AGBL4: variants seen among roughly 807,000 people sequenced by gnomAD.
The protein encoded by AGBL4 is AGBL carboxypeptidase 4.
A neutral mutation model predicts 66.4 loss-of-function variants in AGBL4; 58 were observed. That is an observed-to-expected ratio of 0.87 (90% confidence interval 0.71 to 1.09). The LOEUF (loss-of-function observed/expected upper bound fraction) is 1.09. Ranked by LOEUF, AGBL4 falls within the 50% of genes least tolerant of loss-of-function variation. The pLI is 0.00. For synonymous variants in AGBL4, 234 were observed against 222.9 expected (o/e 1.05, Z -0.44); for missense variants, 579 against 631.0 (o/e 0.92, Z 0.88).
At chr1:49,622,578 A>G (rs963648486) in intron 3 of AGBL4, among the ~76,000 whole-genome samples, 4 of 134,658 alleles carry the variant, frequency 3.0e-5, no homozygotes, top group African/African-American at 5.6e-5. Flanking sequence ...GCAGTGAGCC[A>G]AGATCCCGCC....
chr1:49,596,334 T>A (rs1246095220), intron 3 of AGBL4, among the ~76,000 whole-genome samples: 5 of 152,052 alleles, frequency 3.3e-5, no homozygotes, highest in African/African-American at 7.2e-5. Context: ...CATGCCCAAT[T>A]GATTCTTGTA....
chr1:48,570,057 GCTCACTGTGGAACAGCCACTGA>G (rs1466842379), intron 11 of AGBL4, among the ~76,000 whole-genome samples: 1 of 152,210 alleles, frequency 6.6e-6, no homozygotes, highest in East Asian at 1.9e-4. Context: ...CTGTGCTGCT[GCTCACTGTGGAACAGCCACTGA>G]CCATAAAGTT....
At chr1:48,843,968 T>C (rs1471016924) in intron 6 of AGBL4, among the ~76,000 whole-genome samples, 2 of 152,208 alleles carry the variant, frequency 1.3e-5, no homozygotes, top group Non-Finnish European at 2.9e-5. Context: ...TTATAAGCCA[T>C]GCACTCCTCA....
At chr1:49,066,378 C>A (rs1644492512) in intron 4 of AGBL4, among the ~76,000 whole-genome samples, 2 of 152,124 alleles carry the variant, frequency 1.3e-5, no homozygotes, top group African/African-American at 4.8e-5. Context: ...ATGGTGAAAC[C>A]CCGTCTCTAC....
intron 4 of AGBL4, among the ~76,000 whole-genome samples, chr1:49,237,124 A>T (rs1650818110): frequency 6.6e-6 from 1 of 151,720 alleles, no homozygotes; most frequent in Non-Finnish European, 1.5e-5. Context: ...TTAGCTGGAC[A>T]TGGTGGCAGG....
At chr1:48,858,570 A>C (rs1647243969) in intron 6 of AGBL4, among the ~76,000 whole-genome samples, 1 of 152,366 alleles carries the variant, frequency 6.6e-6, no homozygotes, top group African/African-American at 2.4e-5. Flanking sequence ...GAAAAAAGCC[A>C]GTCACAATAG....
chr1:49,752,038 C>T (rs143525460), intron 2 of AGBL4, among the ~76,000 whole-genome samples: 8 of 151,478 alleles, frequency 5.3e-5, no homozygotes, highest in African/African-American at 1.5e-4. Context: ...CCTGGATTCA[C>T]TGATTTTTTG....
At chr1:48,713,507 G>A (rs1284226622) in intron 6 of AGBL4, among the ~76,000 whole-genome samples, 1 of 152,138 alleles carries the variant, frequency 6.6e-6, no homozygotes, top group Non-Finnish European at 1.5e-5. Context: ...GAGAGGTTAG[G>A]GCCCATTGGG....
intron 4 of AGBL4, among the ~76,000 whole-genome samples, chr1:49,208,510 T>C (rs905459463): frequency 1.2e-4 from 18 of 152,044 alleles, no homozygotes; most frequent in African/African-American, 4.1e-4. Flanking sequence ...GAATTCAAAA[T>C]GTATTTTCTA....
intron 9 of AGBL4, among the ~76,000 whole-genome samples, chr1:48,598,095 C>A (rs185993144): frequency 1.4e-3 from 207 of 152,296 alleles, no homozygotes; most frequent in African/African-American, 4.6e-3. Context: ...TGGAGCTAAG[C>A]CTGGACAGGT....
chr1:49,106,385 T>C (rs1481034732), intron 4 of AGBL4, among the ~76,000 whole-genome samples: 2 of 152,220 alleles, frequency 1.3e-5, no homozygotes, highest in Admixed American at 1.3e-4. Flanking sequence ...CTTCTGAGTA[T>C]GTTCATTTTG....
chr1:48,682,853 C>T (rs1646475967), intron 6 of AGBL4, among the ~76,000 whole-genome samples: 1 of 152,180 alleles, frequency 6.6e-6, no homozygotes, highest in Non-Finnish European at 1.5e-5. Flanking sequence ...ATATGAGGAT[C>T]ACAACCCTTG....
chr1:49,732,696 T>C (rs539091560), intron 2 of AGBL4, among the ~76,000 whole-genome samples: 1 of 152,040 alleles, frequency 6.6e-6, no homozygotes, highest in African/African-American at 2.4e-5. Flanking sequence ...TCAGTATACA[T>C]GAAAGACAGA....
chr1:49,697,501 A>G, intron 2 of AGBL4, 64 bp from the exon 3 acceptor site: 1 of 1,275,244 alleles, frequency 7.8e-7, no homozygotes, highest in Non-Finnish European at 1.1e-6. Flanking sequence ...TGGTACACAC[A>G]TTTAAATATT....
At chr1:49,121,766 C>T (rs1202741112) in intron 4 of AGBL4, among the ~76,000 whole-genome samples, 1 of 152,240 alleles carries the variant, frequency 6.6e-6, no homozygotes, top group East Asian at 1.9e-4. Context: ...ACGTTTAAGT[C>T]TGCAGAAGTT....
chr1:48,989,992 C>T (rs1660482830), intron 5 of AGBL4, among the ~76,000 whole-genome samples: 1 of 152,090 alleles, frequency 6.6e-6, no homozygotes, highest in African/African-American at 2.4e-5. Flanking sequence ...ATTTACATTC[C>T]CACCAACAGT....
intron 4 of AGBL4, among the ~76,000 whole-genome samples, chr1:49,065,782 C>A (rs1327352400): frequency 6.6e-6 from 1 of 152,122 alleles, no homozygotes; most frequent in Non-Finnish European, 1.5e-5. Context: ...AGTAAGATTC[C>A]TTTTCCAGGC....
At chr1:48,636,169 T>C (rs1557843911) in intron 8 of AGBL4, among the ~76,000 whole-genome samples, 1 of 152,194 alleles carries the variant, frequency 6.6e-6, no homozygotes, top group African/African-American at 2.4e-5. Context: ...GGTAAGAGGA[T>C]TGACTGACTG....
intron 9 of AGBL4, among the ~76,000 whole-genome samples, chr1:48,603,418 C>T (rs76246045): frequency 0.076 from 11,506 of 152,058 alleles, 869 homozygotes; most frequent in East Asian, 0.29. Flanking sequence ...TGCAGTGAGC[C>T]GAGATTGCGC....
Sources: gnomAD v4.1 joint callset for allele counts (sites outside exome capture counted in the v4.1 genomes callset) on GRCh38, gnomAD v4.1.1 for gene constraint, MANE v1.5 for transcripts, NCBI Gene and HGNC (gene_info 2026-07-23, HGNC 2026-07-21) for gene names.